The following ZNF829 variants were observed in gnomAD, a reference collection of about 807,000 sequenced individuals.
The protein encoded by ZNF829 is zinc finger protein 829.
Under a neutral mutation model 35.2 loss-of-function variants are expected in ZNF829, and 25 were observed. That is an observed-to-expected ratio of 0.71 (90% CI 0.52 to 0.99). The LOEUF is 0.99. ZNF829 is among the 50% of genes least tolerant of loss of function. The pLI is 0.00. For synonymous variants in ZNF829, 136 were observed against 163.2 expected (o/e 0.83, Z 1.27); for missense variants, 417 against 515.3 (o/e 0.81, Z 1.85).
Position 36,890,199 on chromosome 19 carries a change from A to G in ZNF829, c.*1293T>C, listed in dbSNP as rs940878295. ...TGGTCCAGTATATGACCTATTTTTG[A>G]GAATGTTCCATGCACAGAAGAGAAG... On this transcript the variant is annotated 3_prime_UTR_variant, in exon 6 of 6. Transcript: ENST00000391711. 6.6e-6 allele frequency: 1 copy of G among 152,100 alleles called. No individual in the cohort carries two copies. The highest frequency in any genetic ancestry group is 2.4e-5 in the African/African-American group (1 of 41,400). The allele number at this position is 152,100 out of a possible 1,614,324, so 9.4% of individuals were successfully genotyped here.
chr19:36,896,596 T>C (rs985979583), intron 5 of ZNF829, among the ~76,000 whole-genome samples: 26 of 152,158 alleles, frequency 1.7e-4, no homozygotes, highest in African/African-American at 5.6e-4. Context: ...AGCTTTGGAT[T>C]TAAACTGGAT....
rs192557800 is a variant in ZNF829, at chr19:36,904,229, A to G, written c.319+3700T>C. ...CCTCAACTATCAGAAAAAGACATCA[A>G]GAAATACTTTTATAGTTTGATGTAT... is the stretch of plus-strand genomic sequence containing the variant. On this transcript the variant is annotated intron_variant, in intron 5 of 5. Transcript: ENST00000391711. Among the ~76,000 whole-genome samples the G allele has an allele frequency of 1.2e-3, 186 of 152,362 alleles. 3 individuals are homozygous for G. The highest frequency in any genetic ancestry group is 0.01 in the Admixed American group (160 of 15,306).
At position 36,891,923 on chromosome 19, in the gene ZNF829, G is replaced by T; in HGVS notation, c.868C>A (p.His290Asn). ...CATTCATAAGGTTTCTCACCAGTAT[G>T]AATTCTCAGATGTAGAAAAAGTTGT... ...SSQLFLHLRI[H>N]TGEKPYECKE... Residue 290 changes from histidine (H) to asparagine (N), a missense_variant, in exon 6 of 6, where the codon CAT becomes AAT. His to Asn is a moderately conservative substitution (Grantham distance 68). Transcript: ENST00000391711. 1 of 1,613,982 alleles carries T rather than the reference G, an allele frequency of 6.2e-7. No individual in the cohort carries two copies. The highest frequency in any genetic ancestry group is 8.5e-7 in the Non-Finnish European group (1 of 1,180,006).
At position 36,916,130 on chromosome 19, in the gene ZNF829, T is replaced by C; in HGVS notation, c.-204A>G. 1.8e-6 allele frequency: 1 copy of C among 550,344 alleles called. No homozygotes were observed. The highest frequency in any genetic ancestry group is 3.2e-6 in the Non-Finnish European group (1 of 314,986). 34.1% of individuals were successfully genotyped at this position (550,344 alleles called of 1,614,324 possible). On this transcript the variant is annotated 5_prime_UTR_variant, in exon 1 of 6. Coordinates refer to ENST00000391711, the MANE Select transcript of ZNF829 (RefSeq NM_001037232.4). This position sits in a 1 kb window ranked among gnomAD's most constrained non-coding sequence, Gnocchi z 5.3. ...AGAGCGGGACCCACGCCGATTCCTG[T>C]CAGCTCCTCGCCTGGGCCCACCCGA... is the stretch of plus-strand genomic sequence containing the variant.
intron 5 of ZNF829, among the ~76,000 whole-genome samples, chr19:36,901,492 A>G (rs1325409561): frequency 6.6e-6 from 1 of 152,240 alleles, no homozygotes; most frequent in Non-Finnish European, 1.5e-5. Flanking sequence ...TGGGTGAACT[A>G]TATGGTATGT....
Position 36,909,501 on chromosome 19 carries a change from T to C in ZNF829, c.97-1042A>G, listed in dbSNP as rs145489616. Among the ~76,000 whole-genome samples the C allele has an allele frequency of 3.2e-3, 483 of 152,248 alleles. 1 individual carries two copies. The highest frequency in any genetic ancestry group is 3.8e-3 in the Non-Finnish European group (257 of 68,014). ...GTCTGCAAGGTCCTAATCACAGGGA[T>C]AGCAATGATTGAAAGAAAAATTATG... On this transcript the variant is annotated intron_variant, in intron 3 of 5. Coordinates refer to ENST00000391711, the MANE Select transcript of ZNF829 (RefSeq NM_001037232.4).
At chr19:36,907,087 C>CAAAAAAAAAAAAAAA (rs1158970593) in intron 5 of ZNF829, 1 of 23,724 alleles carries the variant, frequency 4.2e-5, no homozygotes, top group African/African-American at 1.7e-4. Flanking sequence ...GACTCCATCT[C>CAAAAAAAAAAAAAAA]AAAAAAAAAA....
At position 36,891,698 on chromosome 19, in the gene ZNF829, A is replaced by C. The variant is rs755393020; in HGVS notation, c.1093T>G (p.Ser365Ala). 1 of 1,613,968 alleles carries C rather than the reference A, an allele frequency of 6.2e-7. No individual in the cohort carries two copies. Among genetic ancestry groups the C allele is most frequent in the South Asian group, 1.1e-5 (1 of 91,070 alleles). ...EECRKAFIQS[S>A]ELIQHQRIHT... ...ATTCTCTGATGTTGAATAAGTTCTGAGCTCTGAATAAAGGCCTTTCTACAT... is the reference window on the plus strand; with the variant it reads ...ATTCTCTGATGTTGAATAAGTTCTGCGCTCTGAATAAAGGCCTTTCTACAT... Residue 365 changes from serine to alanine, a missense_variant, in exon 6 of 6, where the codon TCA becomes GCA. Ser to Ala is a moderately conservative substitution (Grantham distance 99). Transcript: ENST00000391711.
chr19:36,915,042 GGA>G lies in ZNF829; in HGVS notation c.39-22_39-21del, dbSNP rs766738115. The G allele has an allele frequency of 1.9e-6, 3 of 1,613,970 alleles. No individual in the cohort carries two copies. Among genetic ancestry groups the G allele is most frequent in the African/African-American group, 2.7e-5 (2 of 74,886 alleles). ...TGACACCTGGAGAAAGGTAAAATTGGGAGAGGGAAGAGTAACTGTGAGACACC... is the reference window on the plus strand; with the variant it reads ...TGACACCTGGAGAAAGGTAAAATTGGGAGGGAAGAGTAACTGTGAGACACC... On this transcript the variant is annotated intron_variant, in intron 2 of 5. Transcript: ENST00000391711.
chr19:36,916,006 C>T lies in ZNF829; in HGVS notation c.-85+5G>A. 2.2e-6 allele frequency: 3 copies of T among 1,375,002 alleles called. No individual in the cohort carries two copies. The African/African-American group carries it at 4.3e-5, about 20-fold the overall frequency. 85.2% of individuals were successfully genotyped at this position (1,375,002 alleles called of 1,614,324 possible). A position where few individuals can be genotyped will look rare whatever the true frequency, so the allele number is the denominator to read the frequency against. ...CCAGTTCTCCTGGGGACCAAAATATCTCACCTCCCAGATCTAAGGGTCCCG... is the reference window on the plus strand; with the variant it reads ...CCAGTTCTCCTGGGGACCAAAATATTTCACCTCCCAGATCTAAGGGTCCCG... On this transcript the variant is annotated splice_donor_5th_base_variant and intron_variant, in intron 1 of 5. Coordinates refer to ENST00000391711, the MANE Select transcript of ZNF829 (RefSeq NM_001037232.4). This position sits in a 1 kb window ranked among gnomAD's most constrained non-coding sequence, Gnocchi z 5.3.
At chr19:36,899,504 A>G (rs1171634865) in intron 5 of ZNF829, among the ~76,000 whole-genome samples, 1 of 151,760 alleles carries the variant, frequency 6.6e-6, no homozygotes, top group Non-Finnish European at 1.5e-5. Flanking sequence ...ACATATATAT[A>G]TATGTATGTA....
chr19:36,900,097 G>C (rs1426578066), intron 5 of ZNF829, among the ~76,000 whole-genome samples: 1 of 149,930 alleles, frequency 6.7e-6, no homozygotes, highest in Admixed American at 6.7e-5. Flanking sequence ...CTTGAGGTCC[G>C]GAGTTCAAGA....
intron 5 of ZNF829, among the ~76,000 whole-genome samples, chr19:36,902,652 A>AAT (rs1244908952): frequency 6.6e-6 from 1 of 151,620 alleles, no homozygotes; most frequent in Non-Finnish European, 1.5e-5. Flanking sequence ...CTCAAAATAA[A>AAT]ATAAAATAAA....
At position 36,903,864 on chromosome 19, in the gene ZNF829, G is replaced by A. The variant is rs910139339; in HGVS notation, c.319+4065C>T. On this transcript the variant is annotated intron_variant, in intron 5 of 5. Transcript: ENST00000391711. Reference sequence around the variant, plus strand: ...TGGGCAACAAGAGTAAAACTGTCTCGAAAAAAAAAATAACAATAGTTTTGT... The same window carrying A: ...TGGGCAACAAGAGTAAAACTGTCTCAAAAAAAAAAATAACAATAGTTTTGT... Among the ~76,000 whole-genome samples the A allele has an allele frequency of 3.5e-3, 523 of 147,508 alleles. 4 individuals are homozygous for A. The highest frequency in any genetic ancestry group is 4.6e-3 in the Non-Finnish European group (312 of 67,456).
intron 5 of ZNF829, among the ~76,000 whole-genome samples, chr19:36,900,772 C>T (rs954802796): frequency 4.7e-5 from 7 of 149,580 alleles, no homozygotes; most frequent in African/African-American, 1.7e-4. Flanking sequence ...TGCTTGAACC[C>T]AGGAGGTGGA....
intron 5 of ZNF829, chr19:36,905,416 A>G (rs946517500): frequency 2.6e-5 from 4 of 151,480 alleles, no homozygotes; most frequent in African/African-American, 9.8e-5. Context: ...TCAAATGACT[A>G]TATAAGCTAA....
intron 5 of ZNF829, among the ~76,000 whole-genome samples, chr19:36,898,060 G>GT (rs1364517264): frequency 6.6e-6 from 1 of 152,058 alleles, no homozygotes; most frequent in Non-Finnish European, 1.5e-5. Context: ...TCCCACCTAC[G>GT]TGGGAGGCTG....
chr19:36,892,892 G>T, intron 5 of ZNF829: 1 of 1,158,384 alleles, frequency 8.6e-7, no homozygotes, highest in Non-Finnish European at 1.1e-6. Flanking sequence ...CGACTGCAAG[G>T]CCATCAGCAT....
At chr19:36,893,580 A>G (rs370791616) in intron 5 of ZNF829, among the ~76,000 whole-genome samples, 1 of 152,332 alleles carries the variant, frequency 6.6e-6, no homozygotes, top group African/African-American at 2.4e-5. Flanking sequence ...AAATAATCTG[A>G]TATAAAGTAA....
Sources: allele counts gnomAD v4.1 joint callset (sites outside exome capture counted in the v4.1 genomes callset), GRCh38; gene constraint gnomAD v4.1.1; non-coding constraint Gnocchi (gnomAD v3.1); transcripts MANE v1.5; gene names NCBI Gene and HGNC (gene_info 2026-07-23, HGNC 2026-07-21).